MAGI1: variants seen among roughly 807,000 people sequenced by gnomAD.
MAGI1 encodes the protein membrane-associated guanylate kinase, WW and PDZ domain-containing protein 1.
A neutral mutation model predicts 139.9 loss-of-function variants in MAGI1; 58 were observed. The ratio of observed to expected loss-of-function variants is 0.41; its 90% CI spans 0.34 to 0.52. The LOEUF (loss-of-function observed/expected upper bound fraction) is 0.52. Among genes scored for constraint, MAGI1 ranks in the 20% least tolerant of loss-of-function variants. The pLI, the probability that MAGI1 is intolerant of heterozygous loss-of-function variation, is 0.12. For synonymous variants in MAGI1, 812 were observed against 737.9 expected, an observed-to-expected ratio of 1.10 and a Z score of -1.63; for missense variants, 1,874 against 1,901.6, an observed-to-expected ratio of 0.99 and a Z score of 0.27.
At chr3:66,004,499 T>C (rs1020014999) in intron 1 of MAGI1, among the ~76,000 whole-genome samples, 11 of 152,152 alleles carry the variant, frequency 7.2e-5, no homozygotes, top group Non-Finnish European at 1.3e-4. Flanking sequence ...CAGAAGCACA[T>C]GGCATTTTTA....
chr3:65,894,240 G>A (rs2060881103), intron 1 of MAGI1, among the ~76,000 whole-genome samples: 1 of 152,168 alleles, frequency 6.6e-6, no homozygotes, highest in South Asian at 2.1e-4. Flanking sequence ...CTACTAGTGA[G>A]AAAATGGAAG....
intron 1 of MAGI1, among the ~76,000 whole-genome samples, chr3:66,004,333 A>G (rs568248352): frequency 6.6e-6 from 1 of 152,142 alleles, no homozygotes; most frequent in Non-Finnish European, 1.5e-5. Context: ...GAATATCCGG[A>G]GGCATCTTCA....
In MAGI1 at chr3:65,802,433, C is replaced by T. The variant is rs530904248; in HGVS notation, c.314-180345G>A. On this transcript the variant is annotated intron_variant, in intron 1 of 22. Transcript: ENST00000402939. Reference sequence around the variant, plus strand: ...CATGTGAACGCATTCATGAGTTACTCGTGTAATTAAAAATAAAAGATGGTA... The same window carrying T: ...CATGTGAACGCATTCATGAGTTACTTGTGTAATTAAAAATAAAAGATGGTA... Among the ~76,000 whole-genome samples the T allele has an allele frequency of 2.6e-5, 4 of 152,030 alleles. No homozygotes were observed. In the South Asian group the frequency reaches 6.2e-4, roughly 24 times the overall value.
chr3:65,451,106 ATAACAT>A (rs1489713035), intron 6 of MAGI1, among the ~76,000 whole-genome samples: 1 of 152,212 alleles, frequency 6.6e-6, no homozygotes, highest in East Asian at 1.9e-4. Context: ...TCCAAAGGAA[ATAACAT>A]TAACACAAAA....
intron 1 of MAGI1, among the ~76,000 whole-genome samples, chr3:65,837,300 C>A (rs1349968659): frequency 1.3e-5 from 2 of 152,188 alleles, no homozygotes; most frequent in African/African-American, 2.4e-5. Context: ...TCTACAGCAG[C>A]TGTCTGAACA....
chr3:65,425,975 T>C (rs554303007), intron 12 of MAGI1, among the ~76,000 whole-genome samples: 10 of 152,294 alleles, frequency 6.6e-5, no homozygotes, highest in Middle Eastern at 3.4e-3. Flanking sequence ...CACACTGATG[T>C]CAGGTGACAG....
chr3:65,453,270 A>C lies in MAGI1; in HGVS notation c.1030T>G (p.Cys344Gly). 1 of 1,611,558 alleles carries C rather than the reference A, an allele frequency of 6.2e-7. No individual in the cohort carries two copies. Among genetic ancestry groups the C allele is most frequent in the Non-Finnish European group, 8.5e-7 (1 of 1,179,602 alleles). Residue 344 changes from cysteine to glycine, a missense_variant, in exon 6 of 23, where the codon TGT becomes GGT. By Grantham distance (159) the Cys-to-Gly change is radical. This residue lies in a region of MAGI1 where 648 missense variants were observed against 598.1 expected (regional missense o/e 1.08). Coordinates refer to ENST00000402939, the MANE Select transcript of MAGI1 (RefSeq NM_001033057.2). ...LNKQQKPLEE[C>G]EDDEGVHTEE... ...CCTGGCCCCTTACCATCATCTTCAC[A>C]CTCTTCCAGTGGCTTCTGCTGCTTG...
At chr3:65,475,372 C>T (rs528518015) in intron 4 of MAGI1, among the ~76,000 whole-genome samples, 1 of 152,212 alleles carries the variant, frequency 6.6e-6, no homozygotes, top group African/African-American at 2.4e-5. Context: ...CACCACCATA[C>T]TCAGCTAATT....
intron 2 of MAGI1, among the ~76,000 whole-genome samples, chr3:65,543,212 C>T (rs1300014029): frequency 3.3e-5 from 5 of 152,166 alleles, no homozygotes; most frequent in Non-Finnish European, 4.4e-5. Context: ...TACCATCTCA[C>T]GCCAGTTAGA....
intron 2 of MAGI1, among the ~76,000 whole-genome samples, chr3:65,573,043 T>C (rs1287319699): frequency 3.3e-5 from 5 of 152,146 alleles, no homozygotes; most frequent in Non-Finnish European, 7.3e-5. Flanking sequence ...ACAAAGTTAC[T>C]CATCTTATCC....
intron 1 of MAGI1, among the ~76,000 whole-genome samples, chr3:65,842,434 C>G (rs2058840442): frequency 6.6e-6 from 1 of 151,452 alleles, no homozygotes; most frequent in South Asian, 2.1e-4. Flanking sequence ...AATCTCGACT[C>G]ACCACAACCT....
intron 1 of MAGI1, chr3:66,008,851 T>A (rs903397698): frequency 2.0e-5 from 3 of 152,300 alleles, no homozygotes; most frequent in Non-Finnish European, 4.4e-5. Context: ...CTCTTGTAGC[T>A]CTAAATACTT....
chr3:65,401,503 A>T, intron 12 of MAGI1, 33 bp from the exon 13 acceptor site: 2 of 1,607,984 alleles, frequency 1.2e-6, no homozygotes, highest in Non-Finnish European at 1.7e-6. Flanking sequence ...GGGAGGGGGG[A>T]AGAAATCATT....
chr3:65,541,180 A>T (rs904528538), intron 2 of MAGI1, among the ~76,000 whole-genome samples: 1 of 152,214 alleles, frequency 6.6e-6, no homozygotes, highest in Non-Finnish European at 1.5e-5. Flanking sequence ...GAAGAAATGG[A>T]CAAATTCCTG....
intron 2 of MAGI1, among the ~76,000 whole-genome samples, chr3:65,617,720 T>C (rs1288693110): frequency 6.6e-6 from 1 of 152,192 alleles, no homozygotes; most frequent in Non-Finnish European, 1.5e-5. Flanking sequence ...GAAAGCGTTA[T>C]GGTCAAAGCA....
At chr3:65,418,248 G>T (rs531654459) in intron 12 of MAGI1, among the ~76,000 whole-genome samples, 1 of 152,042 alleles carries the variant, frequency 6.6e-6, no homozygotes, top group Admixed American at 6.6e-5. Flanking sequence ...TATTACTGAC[G>T]GTAAAGCTCA....
At chr3:65,693,134 G>A (rs967762203) in intron 1 of MAGI1, among the ~76,000 whole-genome samples, 1 of 152,002 alleles carries the variant, frequency 6.6e-6, no homozygotes, top group Non-Finnish European at 1.5e-5. Context: ...TTATACAGAT[G>A]GGGTCTCCCT....
intron 14 of MAGI1, 120 bp downstream of exon 14, chr3:65,391,022 T>C (rs1943884535): frequency 1.6e-5 from 13 of 811,832 alleles, no homozygotes; most frequent in Non-Finnish European, 2.4e-5. Flanking sequence ...CTTTTGCATC[T>C]TGCGGATTTC....
intron 6 of MAGI1, 191 bp from the exon 7 acceptor site, chr3:65,448,248 G>A (rs968336595): frequency 2.5e-5 from 15 of 609,196 alleles, no homozygotes; most frequent in Non-Finnish European, 4.4e-5. Context: ...TCACAAAACG[G>A]GAAGAGCTGA....
Sources: allele counts gnomAD v4.1 joint callset (sites outside exome capture counted in the v4.1 genomes callset), GRCh38; gene constraint gnomAD v4.1.1; regional missense constraint gnomAD v4.1.1; transcripts MANE v1.5; gene names NCBI Gene and HGNC (gene_info 2026-07-23, HGNC 2026-07-21).